ARHGEF38: variants seen among roughly 807,000 people sequenced by gnomAD.
The protein encoded by ARHGEF38 is Rho guanine nucleotide exchange factor (GEF) 38.
In ARHGEF38, 79 loss-of-function variants were observed where a neutral mutation model predicts 79.9. The ratio of observed to expected loss-of-function variants is 0.99; its 90% CI spans 0.82 to 1.19. The LOEUF (loss-of-function observed/expected upper bound fraction) is 1.19, where lower values mean the gene tolerates loss of function less well. Among genes scored for constraint, ARHGEF38 ranks in the 50% most tolerant of loss-of-function variants. The pLI is 0.00. For synonymous variants in ARHGEF38, 366 were observed against 328.3 expected (o/e 1.11, Z -1.24); for missense variants, 962 against 907.2 (o/e 1.06, Z -0.78).
intron 1 of ARHGEF38, among the ~76,000 whole-genome samples, chr4:105,572,136 C>CT (rs923345823): frequency 6.6e-5 from 10 of 151,884 alleles, no homozygotes; most frequent in African/African-American, 7.3e-5. Flanking sequence ...TCACAGAAGA[C>CT]TTTTTTTTAA....
rs1376327223 is a variant in ARHGEF38 at position 105,679,504 on chromosome 4, A to G, written c.*1567A>G. 6.7e-7 allele frequency: 1 copy of G among 1,486,358 alleles called. No homozygotes were observed. The highest frequency in any genetic ancestry group is 9.4e-7 in the Non-Finnish European group (1 of 1,066,410). 92.1% of individuals were successfully genotyped at this position (1,486,358 alleles called of 1,614,324 possible). A position where few individuals can be genotyped will look rare whatever the true frequency, so the allele number is the denominator to read the frequency against. On this transcript the variant is annotated 3_prime_UTR_variant, in exon 14 of 14. Coordinates refer to ENST00000420470, the MANE Select transcript of ARHGEF38 (RefSeq NM_001242729.2). ...CCCTTATCAGAGTTGATTAAAGATC[A>G]TGGTTCAAAGCTTGATACACCAGAA...
chr4:105,645,585 G>A (rs1204515440), intron 6 of ARHGEF38, among the ~76,000 whole-genome samples, 198 bp downstream of exon 6: 1 of 152,138 alleles, frequency 6.6e-6, no homozygotes, highest in Non-Finnish European at 1.5e-5. Flanking sequence ...CACAAGAAAT[G>A]AAATTAAAAA....
rs551061232 is a variant in ARHGEF38, at chr4:105,624,792, C to T, written c.509-6106C>T. On this transcript the variant is annotated intron_variant, in intron 3 of 13. Coordinates refer to ENST00000420470, the MANE Select transcript of ARHGEF38 (RefSeq NM_001242729.2). ...TCCCATCCAAGGAGGATAAGAAGAC[C>T]GCGGGGAGCAACCCTTGAACTTGGG... is the stretch of plus-strand genomic sequence containing the variant. Among the ~76,000 whole-genome samples, 333 of 152,266 alleles carry T rather than the reference C, an allele frequency of 2.2e-3. 4 individuals are homozygous for T. Among genetic ancestry groups the T allele is most frequent in the South Asian group, 8.3e-4 (4 of 4,828 alleles).
At chr4:105,670,974 G>C (rs1730939228) in intron 13 of ARHGEF38, among the ~76,000 whole-genome samples, 1 of 152,084 alleles carries the variant, frequency 6.6e-6, no homozygotes, top group South Asian at 2.1e-4. Flanking sequence ...GTACTTCAAA[G>C]CAATTTTCTC....
At chr4:105,677,656 A>C in intron 13 of ARHGEF38, 96 bp from the exon 14 acceptor site, 2 of 1,175,844 alleles carry the variant, frequency 1.7e-6, no homozygotes, top group Admixed American at 3.2e-5. Context: ...AAACAAAAAA[A>C]CTTTAGCATT....
At chr4:105,593,320 T>C (rs1234027102) in intron 2 of ARHGEF38, among the ~76,000 whole-genome samples, 1 of 151,914 alleles carries the variant, frequency 6.6e-6, no homozygotes, top group African/African-American at 2.4e-5. Context: ...ACCAGGAGGA[T>C]TGCTTGAGGC....
At chr4:105,666,989 T>C (rs1321669762) in intron 11 of ARHGEF38, 140 bp from the exon 12 acceptor site, 3 of 744,778 alleles carry the variant, frequency 4.0e-6, no homozygotes, top group Non-Finnish European at 6.3e-6. Context: ...TAGCCTGCTC[T>C]ATGCCTGCAC....
At chr4:105,608,883 C>T (rs943064722) in intron 2 of ARHGEF38, among the ~76,000 whole-genome samples, 1 of 151,890 alleles carries the variant, frequency 6.6e-6, no homozygotes, top group African/African-American at 2.4e-5. Flanking sequence ...CTGAGTAGAG[C>T]TCCTTATATA....
At chr4:105,562,143 T>C (rs1173417440) in intron 1 of ARHGEF38, among the ~76,000 whole-genome samples, 2 of 152,210 alleles carry the variant, frequency 1.3e-5, no homozygotes, top group Admixed American at 6.5e-5. Context: ...GCATCTGCTA[T>C]TGAGCATCTC....
At chr4:105,667,848 T>C (rs2110578494) in intron 13 of ARHGEF38, 145 bp downstream of exon 13, 1 of 948,084 alleles carries the variant, frequency 1.1e-6, no homozygotes, top group East Asian at 2.6e-5. Context: ...GTGGATCTTT[T>C]TGTAAGGAGT....
At position 105,645,365 on chromosome 4, in the gene ARHGEF38, A is replaced by G; in HGVS notation, c.852A>G (p.Glu284=). The stretch of plus-strand genomic sequence containing the variant: ...AGGACATTAATGTTAACATCAATGA[A>G]CTTAAAAGAAGGAAAGATTTAGGTA... The part of the protein sequence containing the change: ...AVKDINVNIN[E]LKRRKDLVLK... The change falls in exon 6 of 14, where the codon GAA becomes GAG. Residue 284 remains glutamate (E), a synonymous_variant. Coordinates refer to ENST00000420470, the MANE Select transcript of ARHGEF38 (RefSeq NM_001242729.2). The G allele has an allele frequency of 6.6e-7, 1 of 1,525,358 alleles. No individual in the cohort carries two copies. The highest frequency in any genetic ancestry group is 8.7e-7 in the Non-Finnish European group (1 of 1,143,490). The allele number at this position is 1,525,358 out of a possible 1,614,324, so 94.5% of individuals were successfully genotyped here. A position where few individuals can be genotyped will look rare whatever the true frequency, so the allele number is the denominator to read the frequency against.
chr4:105,587,074 A>G (rs1017878585), intron 1 of ARHGEF38, among the ~76,000 whole-genome samples: 1 of 152,192 alleles, frequency 6.6e-6, no homozygotes, highest in African/African-American at 2.4e-5. Context: ...AATTCATTGT[A>G]ATGACACGTG....
Position 105,615,361 on chromosome 4 carries a change from A to G in ARHGEF38, c.508+1854A>G, listed in dbSNP as rs1331147723. Among the ~76,000 whole-genome samples the G allele has an allele frequency of 2.0e-5, 3 of 152,356 alleles. No individual in the cohort carries two copies. In the East Asian group the frequency reaches 5.8e-4, roughly 29 times the overall value. On this transcript the variant is annotated intron_variant, in intron 3 of 13. Coordinates refer to ENST00000420470, the MANE Select transcript of ARHGEF38 (RefSeq NM_001242729.2). The stretch of plus-strand genomic sequence containing the variant: ...GCATGCAGAGGAGGAACTGAGTCCT[A>G]GACTAGTAAATAGGTTGTTATAAGT...
chr4:105,660,191 T>G (rs560602068), intron 10 of ARHGEF38, among the ~76,000 whole-genome samples: 63 of 152,250 alleles, frequency 4.1e-4, no homozygotes, highest in Non-Finnish European at 7.1e-4. Context: ...ACTGTGTAAA[T>G]GTATAATCAG....
At chr4:105,609,324 G>A (rs556944910) in intron 2 of ARHGEF38, among the ~76,000 whole-genome samples, 2 of 152,014 alleles carry the variant, frequency 1.3e-5, no homozygotes, top group Admixed American at 6.6e-5. Context: ...ATTTATTTCT[G>A]GGCTCTCTAT....
intron 1 of ARHGEF38, among the ~76,000 whole-genome samples, chr4:105,583,838 C>G (rs1726909934): frequency 6.6e-6 from 1 of 152,034 alleles, no homozygotes; most frequent in East Asian, 1.9e-4. Flanking sequence ...CAGTTAGTGT[C>G]CTTGAATTGT....
chr4:105,610,664 C>T (rs982672069), intron 2 of ARHGEF38, among the ~76,000 whole-genome samples: 2 of 151,984 alleles, frequency 1.3e-5, no homozygotes, highest in African/African-American at 4.8e-5. Flanking sequence ...TTCACAGAAT[C>T]CCCATGGGCT....
At chr4:105,647,827 A>T (rs1485625736) in intron 6 of ARHGEF38, among the ~76,000 whole-genome samples, 1 of 151,732 alleles carries the variant, frequency 6.6e-6, no homozygotes, top group Non-Finnish European at 1.5e-5. Context: ...GCCAGTGAAG[A>T]GGTGCTCTAG....
intron 8 of ARHGEF38, 80 bp from the exon 9 acceptor site, chr4:105,655,523 G>A (rs2110557296): frequency 1.4e-6 from 2 of 1,408,558 alleles, no homozygotes; most frequent in African/African-American, 2.9e-5. Flanking sequence ...GGGTTATGCT[G>A]ATGAAGTCCA....
Sources: allele counts gnomAD v4.1 joint callset (sites outside exome capture counted in the v4.1 genomes callset), GRCh38; gene constraint gnomAD v4.1.1; transcripts MANE v1.5; gene names NCBI Gene and HGNC (gene_info 2026-07-23, HGNC 2026-07-21).